PCBP3: variants seen among roughly 807,000 people sequenced by gnomAD.
PCBP3 encodes the protein poly(rC) binding protein 3, also known as poly(rC)-binding protein 3.
A neutral mutation model predicts 52.7 loss-of-function variants in PCBP3; 25 were observed. The ratio of observed to expected loss-of-function variants is 0.47; its 90% confidence interval spans 0.35 to 0.66. The LOEUF (loss-of-function observed/expected upper bound fraction) is 0.66. Ranked by LOEUF, PCBP3 falls within the 30% of genes least tolerant of loss-of-function variation. The pLI is 0.01. For missense variants in PCBP3, 391 were observed against 490.3 expected, an observed-to-expected ratio of 0.80 and a Z score of 1.91; for synonymous variants, 162 against 183.0, an observed-to-expected ratio of 0.89 and a Z score of 0.93.
chr21:45,770,737 C>A (rs982794722), intron 4 of PCBP3, among the ~76,000 whole-genome samples: 4 of 152,140 alleles, frequency 2.6e-5, no homozygotes, highest in African/African-American at 9.7e-5. Flanking sequence ...AGTTCTGGGT[C>A]CCCCCCAGCC....
rs1279962815 is a variant in PCBP3 at position 45,880,481 on chromosome 21, G to GT, written c.11-15726dup. On this transcript the variant is annotated intron_variant, in intron 5 of 17. Transcript: ENST00000681687. The surrounding 1 kb of genome is among the most constrained non-coding windows in gnomAD (Gnocchi z 5.4). The stretch of plus-strand genomic sequence containing the variant: ...GAAAATAGGATTACGGTGCTTCTGA[G>GT]TATTGAGTTTAGAAATCGCTGAATT... Among the ~76,000 whole-genome samples the GT allele has an allele frequency of 6.6e-6, 1 of 152,238 alleles. No homozygotes were observed. Among genetic ancestry groups the GT allele is most frequent in the Non-Finnish European group, 1.5e-5 (1 of 68,046 alleles).
chr21:45,718,071 T>C (rs1268224292), intron 2 of PCBP3, among the ~76,000 whole-genome samples: 3 of 152,172 alleles, frequency 2.0e-5, no homozygotes, highest in Non-Finnish European at 4.4e-5. Flanking sequence ...TGTGTGTTTC[T>C]AGGAATTTGT....
chr21:45,808,992 GAA>G (rs922306127), intron 4 of PCBP3, among the ~76,000 whole-genome samples: 12 of 152,094 alleles, frequency 7.9e-5, no homozygotes, highest in African/African-American at 2.9e-4. Flanking sequence ...TGAACAATGA[GAA>G]CACATGGACA....
At chr21:45,866,306 C>G (rs1171667854) in intron 5 of PCBP3, among the ~76,000 whole-genome samples, 1 of 152,210 alleles carries the variant, frequency 6.6e-6, no homozygotes, top group Non-Finnish European at 1.5e-5. Flanking sequence ...AGATATGAAC[C>G]AGACAGACCT....
At chr21:45,680,506 G>GAGTA (rs2081771313) in intron 2 of PCBP3, among the ~76,000 whole-genome samples, 1 of 152,090 alleles carries the variant, frequency 6.6e-6, no homozygotes, top group African/African-American at 2.4e-5. Flanking sequence ...GTATCCATGT[G>GAGTA]TTCATTGATA....
intron 4 of PCBP3, among the ~76,000 whole-genome samples, chr21:45,777,589 A>G (rs540016318): frequency 2.0e-5 from 3 of 152,300 alleles, no homozygotes; most frequent in South Asian, 4.1e-4. Context: ...TCCAAATGTC[A>G]TAAAGGATTT....
chr21:45,918,688 G>A (rs2776396), intron 13 of PCBP3: 30 of 93,990 alleles, frequency 3.2e-4, no homozygotes, highest in South Asian at 6.5e-4. Context: ...CCAGTGCTGG[G>A]GGAAGAAGTT....
rs2093411112 is a variant in PCBP3 at position 45,830,126 on chromosome 21, G to A, written c.-125-19835G>A. On this transcript the variant is annotated intron_variant, in intron 4 of 17. Transcript: ENST00000681687. The surrounding 1 kb of genome is among the most constrained non-coding windows in gnomAD (Gnocchi z 4.4). ...AGGAAGCCTTCCCCTGACCCTTTTG[G>A]GGGCATGCAGTACATGTGGGCCCTG... The A allele has an allele frequency of 6.5e-6, 1 of 152,720 alleles. No homozygotes were observed. Among genetic ancestry groups the A allele is most frequent in the South Asian group, 2.1e-4 (1 of 4,832 alleles). The allele number at this position is 152,720 out of a possible 1,614,324, so 9.5% of individuals were successfully genotyped here. A position where few individuals can be genotyped will look rare whatever the true frequency, so the allele number is the denominator to read the frequency against.
intron 5 of PCBP3, among the ~76,000 whole-genome samples, chr21:45,868,552 G>T (rs76636709): frequency 3.3e-5 from 5 of 151,812 alleles, no homozygotes; most frequent in African/African-American, 1.2e-4. Context: ...CGTCTGGCCC[G>T]CGCATTGAGG....
chr21:45,695,375 G>A (rs1023664693), intron 2 of PCBP3, among the ~76,000 whole-genome samples: 2 of 152,138 alleles, frequency 1.3e-5, no homozygotes, highest in Admixed American at 6.5e-5. Flanking sequence ...CCAGTGGGCA[G>A]TTTCTTATCA....
At chr21:45,748,825 G>T (rs2087147135) in intron 3 of PCBP3, among the ~76,000 whole-genome samples, 1 of 152,212 alleles carries the variant, frequency 6.6e-6, no homozygotes, top group Non-Finnish European at 1.5e-5. Flanking sequence ...GGTGGAGCAG[G>T]ACTAGCTGAG....
intron 4 of PCBP3, among the ~76,000 whole-genome samples, chr21:45,790,008 C>T (rs945263168): frequency 1.8e-4 from 28 of 152,228 alleles, no homozygotes; most frequent in African/African-American, 5.8e-4. Context: ...GGTGTGGTGG[C>T]GTGCGCCTGT....
At chr21:45,902,660 A>C (rs946040464) in intron 9 of PCBP3, among the ~76,000 whole-genome samples, 5 of 152,234 alleles carry the variant, frequency 3.3e-5, no homozygotes, top group Non-Finnish European at 5.9e-5. Flanking sequence ...AACCCAAGGC[A>C]AGAGGACACA....
At chr21:45,728,292 C>T (rs991235982) in intron 2 of PCBP3, among the ~76,000 whole-genome samples, 3 of 152,194 alleles carry the variant, frequency 2.0e-5, no homozygotes, top group Admixed American at 1.3e-4. Context: ...GGATTTTTAT[C>T]ATGAGTTAAT....
chr21:45,900,193 G>A (rs371395757), intron 7 of PCBP3, among the ~76,000 whole-genome samples: 10 of 152,270 alleles, frequency 6.6e-5, no homozygotes, highest in East Asian at 5.8e-4. Flanking sequence ...CCTCCCAAAC[G>A]CTTGAGAGGG....
intron 5 of PCBP3, among the ~76,000 whole-genome samples, chr21:45,855,353 C>T (rs541586977): frequency 6.6e-6 from 1 of 152,270 alleles, no homozygotes; most frequent in East Asian, 1.9e-4. Context: ...CACACTCATC[C>T]CCAGCTTCAC....
chr21:45,875,980 C>T (rs762741304), intron 5 of PCBP3, among the ~76,000 whole-genome samples: 8 of 152,200 alleles, frequency 5.3e-5, no homozygotes, highest in Non-Finnish European at 1.0e-4. Flanking sequence ...TCCCCGGTGC[C>T]GTGTGGGAAC....
At chr21:45,804,742 A>G (rs532098127) in intron 4 of PCBP3, among the ~76,000 whole-genome samples, 2 of 152,216 alleles carry the variant, frequency 1.3e-5, no homozygotes, top group Non-Finnish European at 2.9e-5. Flanking sequence ...AGTTTTAGCC[A>G]CATGAAGATA....
intron 9 of PCBP3, 195 bp downstream of exon 9, chr21:45,901,308 T>C (rs2149104784): frequency 1.8e-6 from 1 of 554,592 alleles, no homozygotes; most frequent in South Asian, 2.0e-5. Flanking sequence ...GGCCAGTGTC[T>C]CTCCATCCTT....
Sources: gnomAD v4.1 joint callset for allele counts (sites outside exome capture counted in the v4.1 genomes callset) on GRCh38, gnomAD v4.1.1 for gene constraint, Gnocchi (gnomAD v3.1) non-coding constraint, MANE v1.5 for transcripts, NCBI Gene and HGNC (gene_info 2026-07-23, HGNC 2026-07-21) for gene names.